The following POLR1D variants were observed in gnomAD, a reference collection of about 807,000 sequenced individuals.
POLR1D encodes RNA polymerase I and III subunit D.
A neutral mutation model predicts 10.8 loss-of-function variants in POLR1D; 8 were observed. The observed-to-expected ratio is 0.74, with a 90% CI of 0.43 to 1.33. The LOEUF is 1.33. Ranked by LOEUF, POLR1D falls within the 40% of genes most tolerant of loss-of-function variation. The probability of loss-of-function intolerance (pLI) is 0.01; values close to 1 mark genes in which losing one functional copy is unlikely to be tolerated. For synonymous variants in POLR1D, 54 were observed against 57.2 expected (o/e 0.94, Z 0.25); for missense variants, 152 against 161.7 (o/e 0.94, Z 0.32).
downstream of POLR1D, among the ~76,000 whole-genome samples, chr13:27,626,163 C>G (rs2138524316): frequency 6.6e-6 from 1 of 152,230 alleles, no homozygotes; most frequent in East Asian, 1.9e-4. Context: ...TTTCCTCTCC[C>G]AAAACTTTGC....
At chr13:27,666,200 G>A (rs1034864449) in exon 3 of POLR1D, 2 of 448,538 alleles carry the variant, frequency 4.5e-6, no homozygotes, top group South Asian at 5.9e-5. Context: ...CTTACATATT[G>A]TTGTTTATCT....
At chr13:27,647,885 G>A (rs1956234443) in intron 1 of POLR1D, 1 of 161,326 alleles carries the variant, frequency 6.2e-6, no homozygotes, top group East Asian at 1.8e-4. Context: ...TCTTTATTAT[G>A]TTGCTGGATT....
intron 1 of POLR1D, among the ~76,000 whole-genome samples, chr13:27,643,177 G>C (rs1041458578): frequency 6.6e-6 from 1 of 152,132 alleles, no homozygotes; most frequent in African/African-American, 2.4e-5. Context: ...CTAATTCACC[G>C]TATAAATCAC....
chr13:27,649,591 G>A (rs998432045), intron 2 of POLR1D, among the ~76,000 whole-genome samples: 1 of 152,024 alleles, frequency 6.6e-6, no homozygotes, highest in South Asian at 2.1e-4. Context: ...AAATTTTAAA[G>A]AGCTACAAAT....
chr13:27,651,384 T>C (rs1174669577), intron 2 of POLR1D: 2 of 152,218 alleles, frequency 1.3e-5, no homozygotes, highest in Non-Finnish European at 2.9e-5. Context: ...CCAAACTAAC[T>C]GTAAAAAGTT....
chr13:27,638,349 CAT>C (rs1441621496), intron 1 of POLR1D, among the ~76,000 whole-genome samples: 1 of 152,190 alleles, frequency 6.6e-6, no homozygotes, highest in Non-Finnish European at 1.5e-5. Context: ...GAAGTATACA[CAT>C]GTTTTCTTCC....
At chr13:27,627,309 C>A (rs1394581738), downstream of POLR1D, among the ~76,000 whole-genome samples, 1 of 146,658 alleles carries the variant, frequency 6.8e-6, no homozygotes, top group South Asian at 2.2e-4. Flanking sequence ...TGATGAAATT[C>A]TTCTCAAACT....
chr13:27,659,921 TATATACACACAC>T (rs1269061608), intron 2 of POLR1D, among the ~76,000 whole-genome samples: 1 of 149,980 alleles, frequency 6.7e-6, no homozygotes, highest in African/African-American at 2.5e-5. Flanking sequence ...TATATATATA[TATATACACACAC>T]ATACACACAC....
intron 1 of POLR1D, chr13:27,622,272 T>C: frequency 1.7e-6 from 1 of 573,890 alleles, no homozygotes; most frequent in Non-Finnish European, 3.1e-6. Context: ...TGTGTAAAAA[T>C]CACGCCCCGG....
At chr13:27,626,535 G>C (rs956621865), downstream of POLR1D, among the ~76,000 whole-genome samples, 6 of 152,232 alleles carry the variant, frequency 3.9e-5, no homozygotes, top group African/African-American at 1.4e-4. Flanking sequence ...CATAAAGTCT[G>C]TAGGGACCTG....
At chr13:27,638,490 G>C (rs1566146437) in intron 1 of POLR1D, among the ~76,000 whole-genome samples, 1 of 152,142 alleles carries the variant, frequency 6.6e-6, no homozygotes. Context: ...GAAATGATGA[G>C]ATGCCAAAAT....
At chr13:27,635,030 G>T (rs1956109103) in intron 1 of POLR1D, among the ~76,000 whole-genome samples, 1 of 152,076 alleles carries the variant, frequency 6.6e-6, no homozygotes, top group Admixed American at 6.6e-5. Flanking sequence ...GACTCATAAA[G>T]ATAACAGCTT....
At chr13:27,639,309 G>A (rs1956154832) in intron 1 of POLR1D, among the ~76,000 whole-genome samples, 1 of 152,122 alleles carries the variant, frequency 6.6e-6, no homozygotes. Context: ...TAATATTTCA[G>A]AAGAGCATAG....
At chr13:27,626,665 A>T (rs1956013343), downstream of POLR1D, among the ~76,000 whole-genome samples, 1 of 152,232 alleles carries the variant, frequency 6.6e-6, no homozygotes, top group Non-Finnish European at 1.5e-5. Context: ...AAATAAACTC[A>T]TGCCAGTGAT....
intron 1 of POLR1D, among the ~76,000 whole-genome samples, chr13:27,634,479 C>G (rs2138536534): frequency 6.6e-6 from 1 of 152,316 alleles, no homozygotes; most frequent in East Asian, 1.9e-4. Flanking sequence ...AGACACGTAA[C>G]TGTGACTGTA....
At chr13:27,622,155 T>C in intron 1 of POLR1D, 146 bp downstream of exon 1, 1 of 718,380 alleles carries the variant, frequency 1.4e-6, no homozygotes, top group East Asian at 2.7e-5. Context: ...GAGACATGAA[T>C]GTGTTTCAGT....
intron 2 of POLR1D, among the ~76,000 whole-genome samples, chr13:27,656,464 G>T (rs1236772638): frequency 1.3e-5 from 2 of 152,136 alleles, no homozygotes; most frequent in Non-Finnish European, 2.9e-5. Flanking sequence ...TGACACTCAT[G>T]TATCTGTAAA....
exon 3 of POLR1D, chr13:27,666,639 A>G (rs1450653698): frequency 6.6e-6 from 1 of 152,194 alleles, no homozygotes; most frequent in East Asian, 1.9e-4. Flanking sequence ...GTGGTGCTTT[A>G]AAAAGAACCC....
At chr13:27,653,996 A>G (rs1139335) in intron 2 of POLR1D, among the ~76,000 whole-genome samples, 1 of 152,238 alleles carries the variant, frequency 6.6e-6, no homozygotes, top group African/African-American at 2.4e-5. Flanking sequence ...TGTCAGGATA[A>G]ATGATGTCTA....
Sources: allele counts gnomAD v4.1 joint callset (sites outside exome capture counted in the v4.1 genomes callset), GRCh38; gene constraint gnomAD v4.1.1; transcripts MANE v1.5; gene names NCBI Gene and HGNC (gene_info 2026-07-23, HGNC 2026-07-21).